UGT1A10: variants seen among roughly 807,000 people sequenced by gnomAD.
UGT1A10 encodes UDP-glucuronosyltransferase 1A10.
In UGT1A10, 49 loss-of-function variants were observed where a neutral mutation model predicts 45.8. The observed-to-expected ratio is 1.07, with a 90% confidence interval of 0.85 to 1.36. The LOEUF (loss-of-function observed/expected upper bound fraction) is 1.36. UGT1A10 is among the 40% of genes most tolerant of loss of function. The pLI, the probability that UGT1A10 is intolerant of heterozygous loss-of-function variation, is 0.00. For synonymous variants in UGT1A10, 284 were observed against 249.7 expected (o/e 1.14, Z -1.29); for missense variants, 745 against 668.6 (o/e 1.11, Z -1.26).
intron 1 of UGT1A10, among the ~76,000 whole-genome samples, chr2:233,744,685 T>C (rs1692890031): frequency 6.6e-6 from 1 of 151,898 alleles, no homozygotes; most frequent in Non-Finnish European, 1.5e-5. Flanking sequence ...CCCATGTAGC[T>C]TCTGGAAAAC....
At chr2:233,768,071 G>T in intron 3 of UGT1A10, 135 bp downstream of exon 3, 1 of 1,595,002 alleles carries the variant, frequency 6.3e-7, no homozygotes, top group Non-Finnish European at 8.6e-7. Flanking sequence ...TTTATCTAGT[G>T]GGGTATCTCA....
At chr2:233,757,535 A>AATATATATACATATACATACATATATAT (rs376887521) in intron 1 of UGT1A10, among the ~76,000 whole-genome samples, 2 of 88,312 alleles carry the variant, frequency 2.3e-5, no homozygotes, top group African/African-American at 1.0e-4. Context: ...GCCTGTAAGG[A>AATATATATACATATACATACATATATAT]ATATATATAT....
intron 1 of UGT1A10, among the ~76,000 whole-genome samples, chr2:233,761,361 C>T (rs1202698678): frequency 6.6e-6 from 1 of 152,198 alleles, no homozygotes; most frequent in African/African-American, 2.4e-5. Context: ...GGAAAGCATT[C>T]CTTGGACATT....
At chr2:233,681,859 G>T (rs1361939856) in intron 1 of UGT1A10, 1 of 1,528,202 alleles carries the variant, frequency 6.5e-7, no homozygotes, top group African/African-American at 1.4e-5. Context: ...TTGAGGGCAG[G>T]TTCTATCTGT....
intron 1 of UGT1A10, chr2:233,682,612 A>G (rs1243333362): frequency 6.2e-7 from 1 of 1,613,744 alleles, no homozygotes; most frequent in Non-Finnish European, 8.5e-7. Flanking sequence ...ATTTTTTCAA[A>G]AATGTCTTAG....
At chr2:233,766,944 A>C (rs1699286381) in intron 1 of UGT1A10, 90 bp from the exon 2 acceptor site, 2 of 1,597,570 alleles carry the variant, frequency 1.3e-6, no homozygotes, top group South Asian at 2.3e-5. Context: ...TCATAGTCTT[A>C]AGAGGAAGAT....
intron 1 of UGT1A10, chr2:233,741,807 T>C (rs561601493): frequency 6.6e-6 from 1 of 152,052 alleles, no homozygotes; most frequent in South Asian, 2.1e-4. Context: ...ATGCTGCTCT[T>C]AATTTTTTTC....
rs1699315314 is a variant in UGT1A10, at chr2:233,767,062, G to A, written c.884G>A (p.Gly295Glu). The A allele has an allele frequency of 6.2e-7, 1 of 1,613,966 alleles. No individual in the cohort carries two copies. The highest frequency in any genetic ancestry group is 8.5e-7 in the Non-Finnish European group (1 of 1,180,016). Residue 295 changes from glycine (G) to glutamate (E), a missense_variant, in exon 2 of 5, where the codon GGA becomes GAA. Gly to Glu is a moderately conservative substitution (Grantham distance 98). Transcript: ENST00000344644. ...MEFEAYINAS[G>E]EHGIVVFSLG... is the part of the protein sequence containing the mutation. ...TTTGAAGCCTACATTAATGCTTCTG[G>A]AGAACATGGAATTGTGGTTTTCTCT...
intron 1 of UGT1A10, chr2:233,753,549 G>A (rs917906556): frequency 6.6e-6 from 1 of 152,150 alleles, no homozygotes; most frequent in Admixed American, 6.5e-5. Flanking sequence ...TTCCTCAGAG[G>A]TGACCCTAGA....
chr2:233,662,565 A>G (rs534391277), intron 1 of UGT1A10, among the ~76,000 whole-genome samples: 6 of 152,310 alleles, frequency 3.9e-5, no homozygotes, highest in African/African-American at 1.4e-4. Context: ...CCCATAGATG[A>G]TCATGTTGAC....
chr2:233,755,373 C>T (rs534555830), intron 1 of UGT1A10: 63 of 357,550 alleles, frequency 1.8e-4, no homozygotes, highest in Non-Finnish European at 2.9e-4. Flanking sequence ...GCCTGGAGGG[C>T]CGCCCCTTAT....
At chr2:233,700,498 G>C (rs954320934) in intron 1 of UGT1A10, among the ~76,000 whole-genome samples, 1 of 152,108 alleles carries the variant, frequency 6.6e-6, no homozygotes, top group Non-Finnish European at 1.5e-5. Flanking sequence ...TAAAAGCCTA[G>C]AAACTTGACT....
At chr2:233,765,711 T>TTAA (rs10664358) in intron 1 of UGT1A10, among the ~76,000 whole-genome samples, 1,596 of 149,282 alleles carry the variant, frequency 0.011, 27 homozygotes, top group African/African-American at 0.036. Context: ...ATAATAATAA[T>TTAA]TAATAATAAT....
intron 1 of UGT1A10, chr2:233,743,352 C>T (rs987483436): frequency 9.4e-6 from 9 of 961,748 alleles, no homozygotes; most frequent in African/African-American, 1.7e-5. Context: ...TCGACATGGA[C>T]TTGAAGCTGC....
chr2:233,691,177 G>A (rs555934251), intron 1 of UGT1A10: 17 of 985,552 alleles, frequency 1.7e-5, no homozygotes, highest in Non-Finnish European at 2.0e-5. Context: ...ATGTCTGCCT[G>A]CTCAAGAAGG....
chr2:233,662,652 C>A (rs1324764561), intron 1 of UGT1A10, among the ~76,000 whole-genome samples: 1 of 152,110 alleles, frequency 6.6e-6, no homozygotes, highest in African/African-American at 2.4e-5. Context: ...TTGAATAGAA[C>A]AATGTTGAAT....
intron 1 of UGT1A10, among the ~76,000 whole-genome samples, chr2:233,665,312 G>A (rs1388851466): frequency 1.3e-5 from 2 of 152,182 alleles, no homozygotes; most frequent in South Asian, 2.1e-4. Flanking sequence ...TTGTCTTTTT[G>A]CACATTAGTA....
intron 1 of UGT1A10, chr2:233,747,967 C>T: frequency 6.2e-7 from 1 of 1,613,484 alleles, no homozygotes; most frequent in Non-Finnish European, 8.5e-7. Flanking sequence ...CTCAGCCATG[C>T]ATCTGTGTGG....
chr2:233,652,406 T>A (rs1286186208), intron 1 of UGT1A10, among the ~76,000 whole-genome samples: 7 of 152,332 alleles, frequency 4.6e-5, no homozygotes, highest in South Asian at 2.1e-4. Flanking sequence ...GTTCTTTTTT[T>A]AAAAATAAAT....
Sources: allele counts gnomAD v4.1 joint callset (sites outside exome capture counted in the v4.1 genomes callset), GRCh38; gene constraint gnomAD v4.1.1; transcripts MANE v1.5; gene names NCBI Gene and HGNC (gene_info 2026-07-23, HGNC 2026-07-21).